The following ITSN2 variants were observed in gnomAD, a reference collection of about 807,000 sequenced individuals.
The protein encoded by ITSN2 is intersectin 2.
Under a neutral mutation model 243.7 loss-of-function variants are expected in ITSN2, and 156 were observed. The observed-to-expected ratio is 0.64, with a 90% confidence interval of 0.56 to 0.73. The LOEUF (loss-of-function observed/expected upper bound fraction) is 0.73. ITSN2 is among the 30% of genes least tolerant of loss of function. The pLI is 0.00. For synonymous variants in ITSN2, 703 were observed against 699.9 expected, an observed-to-expected ratio of 1.00 and a Z score of -0.07; for missense variants, 1,801 against 1,996.1, an observed-to-expected ratio of 0.90 and a Z score of 1.86.
chr2:24,300,107 G>A lies in ITSN2; in HGVS notation c.1146C>T (p.Arg382=). Residue 382 remains arginine, a synonymous_variant, in exon 12 of 40, where the codon CGC becomes CGT. Coordinates refer to ENST00000355123, the MANE Select transcript of ITSN2 (RefSeq NM_006277.3). ...ERGNMELEKR[R]QALMEQQQRE... ...TTTGTTGCTGCTCCATCAAGGCTTG[G>A]CGTCGCTTTTCCAGCTCCATGTTCC... 6.2e-7 allele frequency: 1 copy of A among 1,614,056 alleles called. No individual in the cohort carries two copies. Among genetic ancestry groups the A allele is most frequent in the Non-Finnish European group, 8.5e-7 (1 of 1,180,006 alleles).
intron 1 of ITSN2, among the ~76,000 whole-genome samples, chr2:24,340,694 G>C (rs1188509422): frequency 6.6e-6 from 1 of 151,754 alleles, no homozygotes; most frequent in African/African-American, 2.4e-5. Context: ...CTTTTGTTCA[G>C]CATTTGGTCT....
chr2:24,208,890 G>C (rs1358417401), intron 36 of ITSN2, among the ~76,000 whole-genome samples: 1 of 152,216 alleles, frequency 6.6e-6, no homozygotes, highest in Non-Finnish European at 1.5e-5. Context: ...TGAGTGGTGT[G>C]GGGAGAGACT....
intron 1 of ITSN2, among the ~76,000 whole-genome samples, chr2:24,338,744 C>T (rs1434278279): frequency 1.3e-5 from 2 of 152,024 alleles, no homozygotes; most frequent in Admixed American, 1.3e-4. Flanking sequence ...GTAATCCCAA[C>T]AACTCAAGAG....
upstream of ITSN2, chr2:24,360,641 G>T (rs1688896228): frequency 6.6e-6 from 1 of 152,300 alleles, no homozygotes; most frequent in Non-Finnish European, 1.5e-5. Flanking sequence ...AACTGCCCGG[G>T]CGTGGCTCCT....
Position 24,337,315 on chromosome 2 carries a change from AATATATATATATATATATATATAT to A in ITSN2, c.-33-9224_-33-9201del, listed in dbSNP as rs201712131. On this transcript the variant is annotated intron_variant, in intron 1 of 39. Coordinates refer to ENST00000355123, the MANE Select transcript of ITSN2 (RefSeq NM_006277.3). Reference sequence around the variant, plus strand: ...TGTGTGTGTGTGTGTGTATACACAAAATATATATATATATATATATATATATATATATATATATGTAATTTTTTT... The same window carrying A: ...TGTGTGTGTGTGTGTGTATACACAAAATATATATATATATGTAATTTTTTT... Among the ~76,000 whole-genome samples, 15 of 32,018 alleles carry A rather than the reference AATATATATATATATATATATATAT, an allele frequency of 4.7e-4. 2 individuals are homozygous for A. Among genetic ancestry groups the A allele is most frequent in the South Asian group, 2.7e-3 (2 of 730 alleles). 21.0% of individuals were successfully genotyped at this position (32,018 alleles called of 152,430 possible).
In ITSN2 at chr2:24,225,318, T is replaced by C. The variant is rs138276625; in HGVS notation, c.3578-4252A>G. Among the ~76,000 whole-genome samples the C allele has an allele frequency of 5.9e-5, 9 of 152,302 alleles. No homozygotes were observed. Among genetic ancestry groups the C allele is most frequent in the Admixed American group, 1.3e-4 (2 of 15,310 alleles). ...GCCTGCCTTTGGTCTCATTGGCAAA[T>C]GTCACTAGAGGGGTTTACACCCATG... On this transcript the variant is annotated intron_variant, in intron 29 of 39. Coordinates refer to ENST00000355123, the MANE Select transcript of ITSN2 (RefSeq NM_006277.3). The surrounding 1 kb of genome is among the most constrained non-coding windows in gnomAD (Gnocchi z 4.2).
intron 37 of ITSN2, among the ~76,000 whole-genome samples, chr2:24,207,709 T>C (rs562782399): frequency 1.3e-5 from 2 of 151,756 alleles, no homozygotes; most frequent in East Asian, 3.9e-4. Context: ...AGGCCACTGG[T>C]GTCACTGGTG....
chr2:24,243,457 C>T (rs181313823), intron 29 of ITSN2, among the ~76,000 whole-genome samples: 49 of 117,792 alleles, frequency 4.2e-4, no homozygotes, highest in South Asian at 3.7e-3. Context: ...GACCGAAAGA[C>T]GATTATTCTT....
At chr2:24,333,697 A>G (rs1010890282) in intron 1 of ITSN2, among the ~76,000 whole-genome samples, 1 of 152,220 alleles carries the variant, frequency 6.6e-6, no homozygotes, top group Non-Finnish European at 1.5e-5. Flanking sequence ...TCAATTTAAT[A>G]TAATTCAGTT....
intron 29 of ITSN2, chr2:24,221,402 C>T (rs1450908841): frequency 8.9e-6 from 2 of 225,698 alleles, no homozygotes; most frequent in Non-Finnish European, 1.7e-5. Flanking sequence ...TCAGATGCTT[C>T]AGACCACTCC....
At chr2:24,245,211 G>T (rs112151730) in intron 29 of ITSN2, among the ~76,000 whole-genome samples, 294 of 152,172 alleles carry the variant, frequency 1.9e-3, no homozygotes, top group African/African-American at 6.7e-3. Flanking sequence ...ATTTTATATA[G>T]TACCAAACTT....
intron 30 of ITSN2, 164 bp downstream of exon 30, chr2:24,220,781 A>ATTT: frequency 1.4e-6 from 2 of 1,417,678 alleles, no homozygotes; most frequent in Non-Finnish European, 1.8e-6. Context: ...AGGCAGAGAC[A>ATTT]GCATTTGGAG....
intron 17 of ITSN2, among the ~76,000 whole-genome samples, chr2:24,276,731 A>G (rs1678058788): frequency 6.6e-6 from 1 of 152,208 alleles, no homozygotes; most frequent in Non-Finnish European, 1.5e-5. Flanking sequence ...CTCCTGACCT[A>G]AACAATCACA....
intron 18 of ITSN2, among the ~76,000 whole-genome samples, chr2:24,273,917 A>G (rs1004388522): frequency 6.6e-6 from 1 of 152,202 alleles, no homozygotes; most frequent in Non-Finnish European, 1.5e-5. Flanking sequence ...TCAATCCAAG[A>G]TGTGGTACTA....
intron 17 of ITSN2, among the ~76,000 whole-genome samples, chr2:24,276,584 T>C (rs1361519132): frequency 6.6e-6 from 1 of 152,216 alleles, no homozygotes; most frequent in Non-Finnish European, 1.5e-5. Flanking sequence ...TTCAGCATTT[T>C]CTCTTCCTCT....
At chr2:24,354,504 C>T (rs887026747) in intron 1 of ITSN2, among the ~76,000 whole-genome samples, 1 of 152,160 alleles carries the variant, frequency 6.6e-6, no homozygotes, top group Non-Finnish European at 1.5e-5. Flanking sequence ...CAACAGGTAA[C>T]ATTAGGCACT....
intron 8 of ITSN2, among the ~76,000 whole-genome samples, chr2:24,308,114 A>G (rs1407481874): frequency 1.3e-5 from 2 of 152,196 alleles, no homozygotes; most frequent in East Asian, 3.8e-4. Context: ...TACAGTTCAG[A>G]TGATGTTCTG....
chr2:24,246,992 A>G, intron 27 of ITSN2, 99 bp from the exon 28 acceptor site: 1 of 822,202 alleles, frequency 1.2e-6, no homozygotes, highest in Non-Finnish European at 1.9e-6. Context: ...TGTGTAGTAA[A>G]TAATTTAATT....
intron 20 of ITSN2, among the ~76,000 whole-genome samples, chr2:24,270,329 G>A (rs1380513617): frequency 2.0e-5 from 3 of 152,190 alleles, no homozygotes; most frequent in African/African-American, 4.8e-5. Context: ...AGTTAGGGCT[G>A]TGGAATCTAA....
Sources: gnomAD v4.1 joint callset for allele counts (sites outside exome capture counted in the v4.1 genomes callset) on GRCh38, gnomAD v4.1.1 for gene constraint, Gnocchi (gnomAD v3.1) non-coding constraint, MANE v1.5 for transcripts, NCBI Gene and HGNC (gene_info 2026-07-23, HGNC 2026-07-21) for gene names.